Variants in AVEN observed in about 807,000 individuals in gnomAD.
The protein encoded by AVEN is cell death regulator Aven.
A neutral mutation model predicts 38.1 loss-of-function variants in AVEN; 41 were observed. The observed-to-expected ratio is 1.08, with a 90% CI of 0.84 to 1.40. The LOEUF is 1.40. Among genes scored for constraint, AVEN ranks in the 40% most tolerant of loss-of-function variants. The pLI is 0.00. For synonymous variants in AVEN, 206 were observed against 171.8 expected, an observed-to-expected ratio of 1.20 and a Z score of -1.56; for missense variants, 605 against 438.8, an observed-to-expected ratio of 1.38 and a Z score of -3.38.
In AVEN at chr15:33,933,520, CACACAGAGAGAGAGAGAGAGAGAGAGAG is replaced by C. The variant is rs1308562210; in HGVS notation, c.446-57553_446-57526del. 5.8e-3 allele frequency among the ~76,000 whole-genome samples: 479 copies of C among 82,538 alleles called. 5 individuals carry two copies. The highest frequency in any genetic ancestry group is 0.019 in the African/African-American group (403 of 21,526). 54.1% of individuals were successfully genotyped at this position (82,538 alleles called of 152,430 possible). ...ACACACACACACACACACACACACA[CACACAGAGAGAGAGAGAGAGAGAGAGAG>C]AGAGAGAGAGAGAGAGAGAGAGAGA... is the stretch of plus-strand genomic sequence containing the variant. On this transcript the variant is annotated intron_variant, in intron 2 of 5. Coordinates refer to ENST00000306730, the MANE Select transcript of AVEN (RefSeq NM_020371.3).
intron 2 of AVEN, among the ~76,000 whole-genome samples, chr15:33,929,173 T>A (rs1893745306): frequency 6.6e-6 from 1 of 152,204 alleles, no homozygotes. Context: ...CTATGTTCAA[T>A]ATAAAATGTA....
At chr15:33,856,460 G>A (rs1370104678), downstream of AVEN, 1 of 152,288 alleles carries the variant, frequency 6.6e-6, no homozygotes, top group African/African-American at 2.4e-5. Flanking sequence ...CACTCCTAAA[G>A]CCTGGAAGTA....
chr15:33,978,469 G>A (rs541761097), intron 2 of AVEN, among the ~76,000 whole-genome samples: 1 of 152,082 alleles, frequency 6.6e-6, no homozygotes, highest in Non-Finnish European at 1.5e-5. Context: ...TTCAAAACCA[G>A]CCTGATCAAC....
At chr15:33,894,111 G>A (rs186077943) in intron 2 of AVEN, among the ~76,000 whole-genome samples, 152 of 151,946 alleles carry the variant, frequency 1.0e-3, no homozygotes, top group Admixed American at 1.8e-3. Flanking sequence ...AACCACACCC[G>A]GCTAATTTTT....
chr15:33,890,364 G>A (rs1891888154), intron 2 of AVEN, among the ~76,000 whole-genome samples: 1 of 152,164 alleles, frequency 6.6e-6, no homozygotes, highest in Non-Finnish European at 1.5e-5. Flanking sequence ...TAGTAAATGT[G>A]CATTTAGGAA....
At chr15:33,974,396 T>G (rs546812785) in intron 2 of AVEN, among the ~76,000 whole-genome samples, 19 of 152,302 alleles carry the variant, frequency 1.2e-4, no homozygotes, top group African/African-American at 4.3e-4. Context: ...ATGTTATATC[T>G]CCCCAAGTCA....
At chr15:33,854,823 T>C, downstream of AVEN, 1 of 1,613,916 alleles carries the variant, frequency 6.2e-7, no homozygotes, top group Non-Finnish European at 8.5e-7. Context: ...CTACAATAAC[T>C]TCTTCTTTGC....
chr15:33,852,072 CAG>C, the AVEN span: 2 of 17,866 alleles, frequency 1.1e-4, no homozygotes, highest in African/African-American at 2.8e-4. Context: ...CATGAGAGGT[CAG>C]TGAATAGTAG....
chr15:34,067,408 T>C (rs940810654), intron 2 of AVEN: 6 of 152,210 alleles, frequency 3.9e-5, no homozygotes, highest in Admixed American at 3.9e-4. Flanking sequence ...ACTGGGCTGC[T>C]TTTCTGTATT....
At chr15:34,004,539 T>C (rs1463348709) in intron 1 of AVEN, among the ~76,000 whole-genome samples, 1 of 152,160 alleles carries the variant, frequency 6.6e-6, no homozygotes, top group African/African-American at 2.4e-5. Context: ...GATATTTGAT[T>C]ATATTAAGGA....
At chr15:33,964,920 G>C (rs549632624) in intron 2 of AVEN, among the ~76,000 whole-genome samples, 53 of 152,270 alleles carry the variant, frequency 3.5e-4, no homozygotes, top group African/African-American at 1.3e-3. Flanking sequence ...GTTGAATGAT[G>C]GTTATTCTCA....
At chr15:33,861,042 C>G (rs1888013442) in intron 11 of AVEN, 9 of 1,449,414 alleles carry the variant, frequency 6.2e-6, no homozygotes, top group Non-Finnish European at 8.6e-6. Flanking sequence ...CTATATTATG[C>G]CAACAAATGC....
Position 33,933,940 on chromosome 15 carries a change from T to C in AVEN, c.446-57945A>G, listed in dbSNP as rs557184478. On this transcript the variant is annotated intron_variant, in intron 2 of 5. Coordinates refer to ENST00000306730, the MANE Select transcript of AVEN (RefSeq NM_020371.3). ...CACCACTGCACTCTGGTTTGGGTGA[T>C]GGAATGAGACTCTGTCTCACACACA... 3.8e-4 allele frequency among the ~76,000 whole-genome samples: 58 copies of C among 152,276 alleles called. No individual in the cohort carries two copies. In the Middle Eastern group the frequency reaches 0.02, roughly 54 times the overall value.
chr15:33,857,941 G>C (rs11857948), downstream of AVEN: 10 of 1,439,810 alleles, frequency 6.9e-6, no homozygotes, highest in East Asian at 2.2e-5. Flanking sequence ...TGCGGGGCCA[G>C]CCCACCCACT....
intron 2 of AVEN, among the ~76,000 whole-genome samples, chr15:33,948,516 T>C (rs575786475): frequency 6.6e-6 from 1 of 152,330 alleles, no homozygotes; most frequent in South Asian, 2.1e-4. Context: ...GTTAGTATCT[T>C]TTAATAAATA....
intron 1 of AVEN, among the ~76,000 whole-genome samples, chr15:34,013,377 A>C (rs1204108275): frequency 6.6e-6 from 1 of 152,000 alleles, no homozygotes; most frequent in East Asian, 1.9e-4. Flanking sequence ...TTTTAAATAA[A>C]ATGAAAATAA....
intron 2 of AVEN, among the ~76,000 whole-genome samples, chr15:33,985,448 TAAG>T (rs766121806): frequency 2.3e-5 from 2 of 87,862 alleles, no homozygotes; most frequent in Non-Finnish European, 4.7e-5. Flanking sequence ...TCAGTAAGAG[TAAG>T]TTCCTTGAGT....
At chr15:33,999,509 C>A (rs1214337347) in intron 2 of AVEN, among the ~76,000 whole-genome samples, 1 of 152,174 alleles carries the variant, frequency 6.6e-6, no homozygotes, top group African/African-American at 2.4e-5. Context: ...ACTGGTACCT[C>A]CTATAACTTA....
At chr15:34,016,655 G>A (rs1343882655) in intron 1 of AVEN, among the ~76,000 whole-genome samples, 2 of 152,178 alleles carry the variant, frequency 1.3e-5, no homozygotes, top group African/African-American at 2.4e-5. Flanking sequence ...GTCTCTGCCT[G>A]CTTGTATGCT....
Sources: allele counts gnomAD v4.1 joint callset (sites outside exome capture counted in the v4.1 genomes callset), GRCh38; gene constraint gnomAD v4.1.1; transcripts MANE v1.5; gene names NCBI Gene and HGNC (gene_info 2026-07-23, HGNC 2026-07-21).